OLAH: variants seen among roughly 807,000 people sequenced by gnomAD.
OLAH encodes the protein oleoyl-ACP hydrolase.
A neutral mutation model predicts 27.8 loss-of-function variants in OLAH; 33 were observed. That is an observed-to-expected ratio of 1.19 (90% CI 0.90 to 1.59). OLAH has a LOEUF of 1.59. Among genes scored for constraint, OLAH ranks in the 40% most tolerant of loss-of-function variants. The pLI is 0.00. For synonymous variants in OLAH, 120 were observed against 102.9 expected (o/e 1.17, Z -1.01); for missense variants, 359 against 310.8 (o/e 1.16, Z -1.17).
intron 1 of OLAH, among the ~76,000 whole-genome samples, chr10:15,035,410 G>A (rs1843826506): frequency 6.6e-6 from 1 of 151,996 alleles, no homozygotes; most frequent in Non-Finnish European, 1.5e-5. Flanking sequence ...CTTCTAGGGA[G>A]GCCTCCAGAA....
intron 6 of OLAH, among the ~76,000 whole-genome samples, chr10:15,070,538 G>A (rs1187274597): frequency 6.6e-6 from 1 of 152,144 alleles, no homozygotes; most frequent in Non-Finnish European, 1.5e-5. Flanking sequence ...AGGCTGGAGT[G>A]CAGTGGTGTG....
chr10:15,072,941 G>C, intron 7 of OLAH, 146 bp from the exon 8 acceptor site: 1 of 723,148 alleles, frequency 1.4e-6, no homozygotes, highest in South Asian at 1.7e-5. Flanking sequence ...TGTCCAAGAT[G>C]GCAATGCTCC....
chr10:15,044,498 A>G (rs1163366375), intron 1 of OLAH, among the ~76,000 whole-genome samples: 4 of 151,322 alleles, frequency 2.6e-5, no homozygotes, highest in African/African-American at 4.9e-5. Context: ...CCTGTCACCC[A>G]GGCTGGAGTA....
intron 6 of OLAH, among the ~76,000 whole-genome samples, chr10:15,067,729 G>T (rs1844496366): frequency 6.6e-6 from 1 of 152,046 alleles, no homozygotes; most frequent in Non-Finnish European, 1.5e-5. Flanking sequence ...TTTTCAATCT[G>T]ATCTCTCCCA....
At chr10:15,038,223 C>T (rs1843871322) in intron 1 of OLAH, among the ~76,000 whole-genome samples, 2 of 152,178 alleles carry the variant, frequency 1.3e-5, no homozygotes, top group Admixed American at 1.3e-4. Flanking sequence ...TAGGAAGTAA[C>T]TAACTTGCTT....
At chr10:15,035,359 T>G (rs1843825907) in intron 1 of OLAH, among the ~76,000 whole-genome samples, 1 of 152,190 alleles carries the variant, frequency 6.6e-6, no homozygotes, top group Non-Finnish European at 1.5e-5. Flanking sequence ...TACTGGCTCC[T>G]GGTTCTGCAG....
In OLAH at chr10:15,073,139, T is replaced by G; in HGVS notation, c.708T>G (p.Gly236=). Residue 236 remains glycine (G), a synonymous_variant, in exon 8 of 8, where the codon GGT becomes GGG. Coordinates refer to ENST00000378228, the MANE Select transcript of OLAH (RefSeq NM_001039702.3). ...CTAAAATTTACCAGCTTCCAGGGGG[T>G]CACTTTTATCTTCTGGATCCTGCGA... ...GNAKIYQLPG[G]HFYLLDPANE... The G allele has an allele frequency of 6.2e-7, 1 of 1,612,784 alleles. No homozygotes were observed. The highest frequency in any genetic ancestry group is 8.5e-7 in the Non-Finnish European group (1 of 1,179,030).
At chr10:15,061,265 TCTA>T (rs1466507126) in intron 3 of OLAH, among the ~76,000 whole-genome samples, 1 of 152,196 alleles carries the variant, frequency 6.6e-6, no homozygotes, top group Admixed American at 6.5e-5. Flanking sequence ...TTATTTGTAG[TCTA>T]CTTTTTCACA....
chr10:15,045,575 T>A (rs1040191382), intron 1 of OLAH, among the ~76,000 whole-genome samples: 21 of 152,114 alleles, frequency 1.4e-4, no homozygotes, highest in Admixed American at 1.4e-3. Flanking sequence ...ACAGATGGGC[T>A]CCCCACCCTC....
rs745465192 is a variant in OLAH at position 15,056,870 on chromosome 10, C to T, written c.164-4854C>T. On this transcript the variant is annotated intron_variant, in intron 3 of 7. Transcript: ENST00000378228. ...CCAAGGCTGGTCTCAAACTCCGGCG[C>T]TCAAGTGATCCTCCTGCTTCAGCCT... 10 of 1,530,174 alleles carry T rather than the reference C, an allele frequency of 6.5e-6. No individual in the cohort carries two copies. In the South Asian group the frequency reaches 1.1e-4, roughly 17 times the overall value. The allele number at this position is 1,530,174 out of a possible 1,614,324, so 94.8% of individuals were successfully genotyped here.
At chr10:15,069,184 G>A (rs781021659) in intron 6 of OLAH, among the ~76,000 whole-genome samples, 1 of 152,180 alleles carries the variant, frequency 6.6e-6, no homozygotes, top group Admixed American at 6.5e-5. Context: ...TTCTCAGCAT[G>A]CCTGCTCCTT....
upstream of OLAH, among the ~76,000 whole-genome samples, chr10:15,039,068 T>C (rs1843883412): frequency 6.7e-6 from 1 of 150,258 alleles, no homozygotes; most frequent in African/African-American, 2.5e-5. Context: ...CAAAAAGAAA[T>C]TTTTAGAATT....
At chr10:15,055,039 A>C (rs1177232055) in intron 3 of OLAH, among the ~76,000 whole-genome samples, 2 of 152,038 alleles carry the variant, frequency 1.3e-5, no homozygotes, top group Admixed American at 1.3e-4. Context: ...ATCTTGGCTC[A>C]CTGCAACCTC....
upstream of OLAH, among the ~76,000 whole-genome samples, chr10:15,042,709 T>C (rs1291873132): frequency 1.3e-5 from 2 of 152,290 alleles, no homozygotes; most frequent in African/African-American, 4.8e-5. Flanking sequence ...ATGGTCAAAG[T>C]GGCTGAAGAA....
At chr10:15,036,730 T>C (rs991848655) in intron 1 of OLAH, among the ~76,000 whole-genome samples, 1 of 152,080 alleles carries the variant, frequency 6.6e-6, no homozygotes, top group Non-Finnish European at 1.5e-5. Context: ...GATCAAGCAA[T>C]CCTCCCTCCT....
chr10:15,058,069 G>A (rs1322388985), intron 3 of OLAH, among the ~76,000 whole-genome samples: 4 of 152,158 alleles, frequency 2.6e-5, no homozygotes, highest in African/African-American at 7.2e-5. Flanking sequence ...TGGGGTTGCC[G>A]TGAAGTTATA....
intron 2 of OLAH, among the ~76,000 whole-genome samples, chr10:15,048,382 T>C (rs1037554189): frequency 6.6e-6 from 1 of 152,172 alleles, no homozygotes; most frequent in African/African-American, 2.4e-5. Flanking sequence ...CACACCCAGC[T>C]AATTTTTGTA....
intron 1 of OLAH, among the ~76,000 whole-genome samples, chr10:15,045,542 TAAG>T (rs1231835488): frequency 6.6e-6 from 1 of 152,194 alleles, no homozygotes; most frequent in East Asian, 1.9e-4. Flanking sequence ...CCAGAATTAC[TAAG>T]AAAAGGCTCT....
chr10:15,056,973 A>AT (rs962719553), intron 3 of OLAH: 41 of 1,426,914 alleles, frequency 2.9e-5, no homozygotes, highest in South Asian at 1.2e-4. Context: ...CTGGATTCTA[A>AT]TTTTTTTTAG....
Sources: allele counts gnomAD v4.1 joint callset (sites outside exome capture counted in the v4.1 genomes callset), GRCh38; gene constraint gnomAD v4.1.1; transcripts MANE v1.5; gene names NCBI Gene and HGNC (gene_info 2026-07-23, HGNC 2026-07-21).